TRAK1: variants seen among roughly 807,000 people sequenced by gnomAD.
The protein encoded by TRAK1 is trafficking kinesin protein 1, also known as trafficking kinesin-binding protein 1.
A neutral mutation model predicts 92.1 loss-of-function variants in TRAK1; 33 were observed. That is an observed-to-expected ratio of 0.36 (90% CI 0.27 to 0.48). The LOEUF is 0.48. Among genes scored for constraint, TRAK1 ranks in the 20% least tolerant of loss-of-function variants. TRAK1 has a pLI of 0.99. For synonymous variants in TRAK1, 521 were observed against 517.3 expected (o/e 1.01, Z -0.10); for missense variants, 1,123 against 1,257.9 (o/e 0.89, Z 1.62).
intron 10 of TRAK1, among the ~76,000 whole-genome samples, chr3:42,196,638 A>G (rs1422208222): frequency 6.6e-6 from 1 of 150,694 alleles, no homozygotes; most frequent in Non-Finnish European, 1.5e-5. Flanking sequence ...CCTGAGTTCA[A>G]GCGATTCTCC....
At chr3:42,213,732 G>A (rs556458632) in intron 14 of TRAK1, among the ~76,000 whole-genome samples, 5 of 152,352 alleles carry the variant, frequency 3.3e-5, no homozygotes, top group African/African-American at 1.2e-4. Flanking sequence ...GGGGCTTGAT[G>A]GGTCTGGAAG....
chr3:42,188,980 C>T (rs371281371), intron 5 of TRAK1, 36 bp from the exon 6 acceptor site: 27 of 1,482,166 alleles, frequency 1.8e-5, no homozygotes, highest in African/African-American at 5.5e-5. Context: ...GGAGGAAATG[C>T]GTCTCCCTAG....
At chr3:42,050,089 C>CA (rs1702919386) in intron 1 of TRAK1, among the ~76,000 whole-genome samples, 1 of 151,880 alleles carries the variant, frequency 6.6e-6, no homozygotes, top group Non-Finnish European at 1.5e-5. Flanking sequence ...GTAGTTTTTT[C>CA]CCTTGGACTG....
intron 3 of TRAK1, among the ~76,000 whole-genome samples, chr3:42,183,039 A>G (rs1477814835): frequency 1.3e-5 from 2 of 152,184 alleles, no homozygotes; most frequent in Non-Finnish European, 2.9e-5. Flanking sequence ...ATTTGTGACC[A>G]GTACCTGCTG....
In TRAK1 at chr3:42,140,404, C is replaced by A. The variant is rs183031519; in HGVS notation, c.286+14790C>A. Among the ~76,000 whole-genome samples, 55 of 152,194 alleles carry A rather than the reference C, an allele frequency of 3.6e-4. No individual in the cohort carries two copies. In the East Asian group the frequency reaches 6.8e-3, roughly 19 times the overall value. The stretch of plus-strand genomic sequence containing the variant: ...CAGCATTTTGGGAGGCTGAGGCAGG[C>A]GGATCATGAGGTCAGGAGATCGAGA... On this transcript the variant is annotated intron_variant, in intron 2 of 15. Coordinates refer to ENST00000327628, the MANE Select transcript of TRAK1 (RefSeq NM_001042646.3).
chr3:42,224,524 G>C lies in TRAK1; in HGVS notation c.*787G>C, dbSNP rs1710637623. ...TTTTTTTACATATATATGCAGGGAA[G>C]TAATGGTACTGGTAGTGTATGTTTT... On this transcript the variant is annotated 3_prime_UTR_variant, in exon 16 of 16. Coordinates refer to ENST00000327628, the MANE Select transcript of TRAK1 (RefSeq NM_001042646.3). 6.1e-6 allele frequency: 1 copy of C among 164,820 alleles called. No individual in the cohort carries two copies. Among genetic ancestry groups the C allele is most frequent in the Non-Finnish European group, 1.3e-5 (1 of 77,138 alleles). 10.2% of individuals were successfully genotyped at this position (164,820 alleles called of 1,614,324 possible).
At chr3:42,175,898 G>A (rs969835064) in intron 2 of TRAK1, among the ~76,000 whole-genome samples, 3 of 152,056 alleles carry the variant, frequency 2.0e-5, no homozygotes, top group South Asian at 2.1e-4. Context: ...AAAGTGACAG[G>A]TTTCAAAAAA....
At chr3:42,103,275 C>T (rs1707060348) in intron 1 of TRAK1, among the ~76,000 whole-genome samples, 1 of 152,206 alleles carries the variant, frequency 6.6e-6, no homozygotes, top group Non-Finnish European at 1.5e-5. Flanking sequence ...TCAAGAGATT[C>T]TCCTGCCTCA....
intron 1 of TRAK1, among the ~76,000 whole-genome samples, chr3:42,121,491 C>G (rs998668499): frequency 6.6e-6 from 1 of 152,044 alleles, no homozygotes; most frequent in African/African-American, 2.4e-5. Context: ...GATCTCCTGA[C>G]CTCGTGATCC....
chr3:42,143,575 C>CT (rs1225345761), intron 2 of TRAK1, among the ~76,000 whole-genome samples: 1 of 152,152 alleles, frequency 6.6e-6, no homozygotes, highest in Non-Finnish European at 1.5e-5. Flanking sequence ...ACAGTCAGCA[C>CT]TTTCTAAATG....
intron 1 of TRAK1, among the ~76,000 whole-genome samples, chr3:42,019,035 TG>T (rs1701635569): frequency 6.6e-6 from 1 of 151,774 alleles, no homozygotes; most frequent in Non-Finnish European, 1.5e-5. Context: ...GGAAGGAGAA[TG>T]GCTTGAACCC....
intron 3 of TRAK1, among the ~76,000 whole-genome samples, chr3:42,183,486 G>T (rs1031216553): frequency 6.7e-6 from 1 of 149,680 alleles, no homozygotes; most frequent in Non-Finnish European, 1.5e-5. Flanking sequence ...AACCTGAGAG[G>T]TGGAGGTTAC....
At chr3:42,065,836 C>T (rs1369780895) in intron 1 of TRAK1, among the ~76,000 whole-genome samples, 1 of 151,938 alleles carries the variant, frequency 6.6e-6, no homozygotes, top group African/African-American at 2.4e-5. Flanking sequence ...CACTATGTTT[C>T]CCAGGCTGGT....
At chr3:42,140,348 G>A (rs1698490660) in intron 2 of TRAK1, among the ~76,000 whole-genome samples, 3 of 152,198 alleles carry the variant, frequency 2.0e-5, no homozygotes, top group Admixed American at 6.5e-5. Flanking sequence ...ATAAAGATCA[G>A]GCTGGGCGCA....
chr3:42,120,419 A>G (rs912183368), intron 1 of TRAK1, among the ~76,000 whole-genome samples: 35 of 150,568 alleles, frequency 2.3e-4, no homozygotes, highest in African/African-American at 8.0e-4. Flanking sequence ...CCTTTCCTCC[A>G]TGGTGGGCCG....
intron 2 of TRAK1, among the ~76,000 whole-genome samples, chr3:42,170,626 TGA>T (rs1702420109): frequency 6.6e-6 from 1 of 152,168 alleles, no homozygotes; most frequent in South Asian, 2.1e-4. Flanking sequence ...GTTTTTATAA[TGA>T]AAATTATAGA....
intron 1 of TRAK1, among the ~76,000 whole-genome samples, chr3:42,063,234 C>G (rs977755383): frequency 6.6e-6 from 1 of 152,278 alleles, no homozygotes; most frequent in Non-Finnish European, 1.5e-5. Context: ...GTATTGCCCT[C>G]AAGGCCTGAA....
At chr3:42,131,734 CAA>C (rs1355321339) in intron 2 of TRAK1, among the ~76,000 whole-genome samples, 1 of 146,534 alleles carries the variant, frequency 6.8e-6, no homozygotes, top group Non-Finnish European at 1.5e-5. Flanking sequence ...GAACAACAAA[CAA>C]ATAAAAATAA....
At chr3:42,070,782 C>G (rs2148937333) in intron 1 of TRAK1, among the ~76,000 whole-genome samples, 1 of 152,294 alleles carries the variant, frequency 6.6e-6, no homozygotes, top group Middle Eastern at 3.4e-3. Context: ...CTTGTGCCTG[C>G]TGGTTCTTTT....
Sources: gnomAD v4.1 joint callset for allele counts (sites outside exome capture counted in the v4.1 genomes callset) on GRCh38, gnomAD v4.1.1 for gene constraint, MANE v1.5 for transcripts, NCBI Gene and HGNC (gene_info 2026-07-23, HGNC 2026-07-21) for gene names.